The following BCORL1 variants were observed in gnomAD, a reference collection of about 807,000 sequenced individuals.
BCORL1 encodes BCL6 corepressor like 1.
Under a neutral mutation model 87.6 loss-of-function variants are expected in BCORL1, and 7 were observed. The observed-to-expected ratio is 0.08, with a 90% CI of 0.05 to 0.15. BCORL1 has a LOEUF of 0.15. Among genes scored for constraint, BCORL1 ranks in the 10% least tolerant of loss-of-function variants. BCORL1 has a pLI of 1.00. For synonymous variants in BCORL1, 591 were observed against 634.4 expected, an observed-to-expected ratio of 0.93 and a Z score of 1.03; for missense variants, 1,215 against 1,499.7, an observed-to-expected ratio of 0.81 and a Z score of 3.13.
rs747539894 is a variant in BCORL1, at chrX:130,015,772, C to T, written c.3000C>T (p.Pro1000=). 6.6e-6 allele frequency: 8 copies of T among 1,211,852 alleles called. No individual in the cohort carries two copies. The East Asian group carries it at 1.8e-4, about 27-fold the overall frequency. The change falls in exon 4 of 14, where the codon CCC becomes CCT. Residue 1000 remains proline (P), a synonymous_variant. Transcript: ENST00000540052. ...YMSHELVLAT[P]QNLPKMPELP... is the part of the protein sequence containing the mutation. ...CCCATGAGCTGGTCCTGGCCACCCCCCAGAACCTGCCTAAGATGCCTGAGC... is the reference window on the plus strand; with the variant it reads ...CCCATGAGCTGGTCCTGGCCACCCCTCAGAACCTGCCTAAGATGCCTGAGC...
chrX:130,021,572 A>G (rs1001769765), intron 5 of BCORL1, among the ~76,000 whole-genome samples: 2 of 112,368 alleles, frequency 1.8e-5, no homozygotes, highest in African/African-American at 3.2e-5. Context: ...GTTAGCTAGG[A>G]GAGTTTAGAG....
rs1410923837 is a variant in BCORL1 at position 130,016,034 on chromosome X, C to G, written c.3262C>G (p.Gln1088Glu). 29 of 1,211,811 alleles carry G rather than the reference C, an allele frequency of 2.4e-5. No homozygotes were observed. The highest frequency in any genetic ancestry group is 3.2e-5 in the Non-Finnish European group (29 of 895,568). Residue 1088 changes from glutamine (Q) to glutamate (E), a missense_variant, in exon 4 of 14, where the codon CAG (glutamine) becomes GAG (glutamate). Coordinates refer to ENST00000540052, the MANE Select transcript of BCORL1 (RefSeq NM_001379451.1). ...AGCTGAAGTTCGGGCTAAGGCCGGG[C>G]AGGCTCGAGTGAAACAGGAAAGCGT... is the stretch of plus-strand genomic sequence containing the variant. ...GQAEVRAKAG[Q>E]ARVKQESVGV...
In BCORL1 at chrX:130,025,082, A is replaced by G; in HGVS notation, c.3781A>G (p.Thr1261Ala). The G allele has an allele frequency of 8.3e-7, 1 of 1,211,285 alleles. No individual in the cohort carries two copies. Among genetic ancestry groups the G allele is most frequent in the African/African-American group, 1.7e-5 (1 of 57,620 alleles). Residue 1261 changes from threonine to alanine, a missense_variant, in exon 7 of 14, where the codon ACC (threonine) becomes GCC (alanine). Coordinates refer to ENST00000540052, the MANE Select transcript of BCORL1 (RefSeq NM_001379451.1). ...AGAAGAAGAAGAGGAGGTAACCCCC[A>G]CCCCAGCTAAGCGTCGAAAGGTGAG... is the stretch of plus-strand genomic sequence containing the variant. ...PTEEEEEVTP[T>A]PAKRRKVRKT... is the part of the protein sequence containing the mutation.
intron 9 of BCORL1, among the ~76,000 whole-genome samples, chrX:130,035,310 G>A (rs376249060): frequency 8.9e-6 from 1 of 112,099 alleles, no homozygotes; most frequent in Non-Finnish European, 1.9e-5. Flanking sequence ...CAACTACTAC[G>A]CATATGAGTC....
Position 130,025,193 on chromosome X carries a change from G to A in BCORL1, c.3892G>A (p.Ala1298Thr). Residue 1298 changes from alanine (A) to threonine (T), a missense_variant, in exon 7 of 14, where the codon GCC (alanine) becomes ACC (threonine). By Grantham distance (58) the Ala-to-Thr change is moderately conservative. Around this residue, in one of 5 missense-constraint regions of BCORL1, gnomAD observed 166 missense variants for 196.5 expected, o/e 0.84. Transcript: ENST00000540052. ...CCAGGGCCGAAGGCACCTGTGGCGA[G>A]CCCGAGAAATGCCCTGGAGGACAGA... ...LSQGRRHLWR[A>T]REMPWRTEAA... The A allele has an allele frequency of 1.7e-6, 2 of 1,211,716 alleles. No individual in the cohort carries two copies. Among genetic ancestry groups the A allele is most frequent in the South Asian group, 1.8e-5 (1 of 56,932 alleles).
At chrX:129,982,204 G>C (rs952296546), upstream of BCORL1, among the ~76,000 whole-genome samples, 3 of 110,723 alleles carry the variant, frequency 2.7e-5, no homozygotes, top group African/African-American at 9.9e-5. Flanking sequence ...CGTCGAGGTG[G>C]GGGGGGACGT....
At chrX:129,990,345 C>T (rs1405755043) in intron 1 of BCORL1, among the ~76,000 whole-genome samples, 1 of 111,056 alleles carries the variant, frequency 9.0e-6, no homozygotes, top group Admixed American at 9.6e-5. Flanking sequence ...CATCCTCCTG[C>T]CTCAGCCTCC....
At chrX:130,051,756 C>A in intron 12 of BCORL1, 104 bp from the exon 13 acceptor site, 1 of 840,724 alleles carries the variant, frequency 1.2e-6, no homozygotes, top group Non-Finnish European at 1.6e-6. Flanking sequence ...TCATTTACCT[C>A]CCAACCACCA....
intron 4 of BCORL1, among the ~76,000 whole-genome samples, chrX:130,017,371 G>T (rs141178517): frequency 0.061 from 6,732 of 110,729 alleles, 228 homozygotes; most frequent in Non-Finnish European, 0.094. Flanking sequence ...ACGTTTGGCA[G>T]GTAATTGCCA....
intron 13 of BCORL1, among the ~76,000 whole-genome samples, chrX:130,052,633 C>T (rs1373214152): frequency 8.9e-6 from 1 of 112,331 alleles, no homozygotes; most frequent in Non-Finnish European, 1.9e-5. Context: ...AGTTCGACAG[C>T]CGGCAGGGCC....
rs1430553271 is a variant in BCORL1, at chrX:129,982,641, T to C, written c.-166T>C. 3 of 110,822 alleles carry C rather than the reference T, an allele frequency of 2.7e-5. No homozygotes were observed. Among genetic ancestry groups the C allele is most frequent in the Non-Finnish European group, 5.7e-5 (3 of 52,874 alleles). The allele number at this position is 110,822 out of a possible 1,213,427, so 9.1% of individuals were successfully genotyped here. On this transcript the variant is annotated 5_prime_UTR_variant, in exon 1 of 14. Coordinates refer to ENST00000540052, the MANE Select transcript of BCORL1 (RefSeq NM_001379451.1). ...ACACACCGCTCTCCCCCTCACTCTT[T>C]CGCTCGCCGCGGCTGCTGCCAGTGT...
rs1240061972 is a variant in BCORL1 at position 130,014,869 on chromosome X, G to A, written c.2097G>A (p.Pro699=). The change falls in exon 4 of 14, where the codon CCG becomes CCA. Residue 699 remains proline, a synonymous_variant. Coordinates refer to ENST00000540052, the MANE Select transcript of BCORL1 (RefSeq NM_001379451.1). The part of the protein sequence containing the change: ...IFPEIVRNGD[P]STWVKNSTAL... ...CCGAGATCGTGAGGAATGGGGACCC[G>A]AGCACCTGGGTGAAGAACTCAACTG... 19 of 1,209,258 alleles carry A rather than the reference G, an allele frequency of 1.6e-5. No individual in the cohort carries two copies. Among genetic ancestry groups the A allele is most frequent in the African/African-American group, 3.5e-5 (2 of 56,898 alleles).
intron 11 of BCORL1, among the ~76,000 whole-genome samples, chrX:130,047,401 C>A (rs184903199): frequency 8.9e-6 from 1 of 112,091 alleles, no homozygotes; most frequent in African/African-American, 3.2e-5. Flanking sequence ...GTAATGGAAG[C>A]CACACCACCG....
At chrX:129,983,730 G>T (rs1926336463) in intron 1 of BCORL1, among the ~76,000 whole-genome samples, 1 of 108,352 alleles carries the variant, frequency 9.2e-6, no homozygotes, top group East Asian at 3.0e-4. Context: ...GGCGCGGCGG[G>T]GAGGGGGCTT....
intron 1 of BCORL1, among the ~76,000 whole-genome samples, chrX:129,993,201 C>T (rs1927317474): frequency 8.9e-6 from 1 of 111,821 alleles, no homozygotes; most frequent in Non-Finnish European, 1.9e-5. Flanking sequence ...TTAAGTTTTG[C>T]GTGACATCTA....
intron 6 of BCORL1, among the ~76,000 whole-genome samples, chrX:130,024,669 C>CT (rs1198771565): frequency 9.0e-6 from 1 of 111,385 alleles, no homozygotes; most frequent in Admixed American, 9.5e-5. Context: ...TCAGGTGACA[C>CT]TGTAACGTGG....
chrX:130,043,765 TATATATATATATATATATA>T (rs1381491500), intron 11 of BCORL1, among the ~76,000 whole-genome samples: 5 of 17,314 alleles, frequency 2.9e-4, no homozygotes, highest in East Asian at 1.3e-3. Context: ...TATATATATA[TATATATATATATATATATA>T]TTTTTTTTTT....
intron 10 of BCORL1, among the ~76,000 whole-genome samples, chrX:130,038,168 G>A (rs1240811349): frequency 1.8e-5 from 2 of 111,694 alleles, no homozygotes; most frequent in Non-Finnish European, 3.8e-5. Context: ...ATCCTGGTGG[G>A]GGACGTGTCT....
Position 130,037,283 on chromosome X carries a change from A to G in BCORL1, c.4528-84A>G, listed in dbSNP as rs1318497126. The G allele has an allele frequency of 7.0e-6, 7 of 1,005,488 alleles. No homozygotes were observed. The African/African-American group carries it at 1.3e-4, about 19-fold the overall frequency. The allele number at this position is 1,005,488 out of a possible 1,213,427, so 82.9% of individuals were successfully genotyped here. A position where few individuals can be genotyped will look rare whatever the true frequency, so the allele number is the denominator to read the frequency against. On this transcript the variant is annotated intron_variant, in intron 9 of 13. Transcript: ENST00000540052. ...GGGCAGGCTCTGAGACTCCTCAGAT[A>G]TTTGGGGAGCTTTGAGTCTCAGGGT...
Sources: gnomAD v4.1 joint callset for allele counts (sites outside exome capture counted in the v4.1 genomes callset) on GRCh38, gnomAD v4.1.1 for gene constraint, gnomAD v4.1.1 regional missense constraint, MANE v1.5 for transcripts, NCBI Gene and HGNC (gene_info 2026-07-23, HGNC 2026-07-21) for gene names.